Variants in FAM193A observed in about 807,000 individuals in gnomAD.
FAM193A encodes family with sequence similarity 193 member A.
In FAM193A, 22 loss-of-function variants were observed where a neutral mutation model predicts 126.5. The ratio of observed to expected loss-of-function variants is 0.17; its 90% CI spans 0.12 to 0.25. FAM193A has a LOEUF of 0.25. Among genes scored for constraint, FAM193A ranks in the 10% least tolerant of loss-of-function variants. The probability of loss-of-function intolerance (pLI) is 1.00; values close to 1 mark genes in which losing one functional copy is unlikely to be tolerated. For synonymous variants in FAM193A, 761 were observed against 646.8 expected, an observed-to-expected ratio of 1.18 and a Z score of -2.68; for missense variants, 1,675 against 1,672.8, an observed-to-expected ratio of 1.00 and a Z score of -0.02.
chr4:2,658,735 T>C (rs74615690), intron 8 of FAM193A, among the ~76,000 whole-genome samples: 1 of 151,386 alleles, frequency 6.6e-6, no homozygotes, highest in Non-Finnish European at 1.5e-5. Context: ...CCATTCTGCA[T>C]GTGTCCCTGT....
chr4:2,729,069 G>A (rs1300130867), intron 20 of FAM193A, among the ~76,000 whole-genome samples: 1 of 151,968 alleles, frequency 6.6e-6, no homozygotes, highest in East Asian at 1.9e-4. Flanking sequence ...ACCATCAGGT[G>A]ATGGTTAGGC....
Position 2,672,353 on chromosome 4 carries a change from C to A in FAM193A, c.2312C>A (p.Pro771His). 1.9e-6 allele frequency: 3 copies of A among 1,614,180 alleles called. No homozygotes were observed. Among genetic ancestry groups the A allele is most frequent in the Non-Finnish European group, 2.5e-6 (3 of 1,180,040 alleles). The stretch of plus-strand genomic sequence containing the variant: ...ATCCACCCCACCTTGTATGCAACGC[C>A]CCCCTTCACACACAGTAAGGTAAGT... ...PLIHPTLYAT[P>H]PFTHSKALPP... The change falls in exon 13 of 21, where the codon CCC becomes CAC. Residue 771 changes from proline to histidine, a missense_variant. Pro to His is a moderately conservative substitution (Grantham distance 77). Around this residue, in one of 4 missense-constraint regions of FAM193A, gnomAD observed 1,186 missense variants for 1,109.2 expected, o/e 1.07. Coordinates refer to ENST00000637812, the MANE Select transcript of FAM193A (RefSeq NM_001366318.2).
intron 7 of FAM193A, among the ~76,000 whole-genome samples, chr4:2,655,363 G>T (rs888695206): frequency 2.0e-5 from 3 of 152,140 alleles, no homozygotes; most frequent in Non-Finnish European, 4.4e-5. Context: ...AACCCTAGTA[G>T]ATCATGATAT....
chr4:2,710,171 T>TTC (rs1718768946), intron 19 of FAM193A, among the ~76,000 whole-genome samples: 1 of 126,152 alleles, frequency 7.9e-6, no homozygotes, highest in Non-Finnish European at 1.7e-5. Context: ...GTTTTTTTTT[T>TTC]TTTTTCTTTT....
intron 20 of FAM193A, chr4:2,720,195 T>C: frequency 6.5e-6 from 1 of 154,774 alleles, no homozygotes. Flanking sequence ...AAAAAAAGTA[T>C]TTTATATTCA....
rs773722072 is a variant in FAM193A, at chr4:2,699,753, G to A, written c.3581G>A (p.Arg1194Gln). Residue 1194 changes from arginine to glutamine, a missense_variant, in exon 19 of 21, where the codon CGG becomes CAG. This residue lies in a region of FAM193A where 415 missense variants were observed against 396.7 expected (regional missense o/e 1.05). Coordinates refer to ENST00000637812, the MANE Select transcript of FAM193A (RefSeq NM_001366318.2). ...EHLHLQEEQR[R>Q]REEEEDEEEE... ...CTGCACCTCCAGGAGGAGCAGAGGC[G>A]GCGGGAGGAGGAGGAGGATGAGGAA... The A allele has an allele frequency of 2.2e-5, 36 of 1,613,764 alleles. No homozygotes were observed. Among genetic ancestry groups the A allele is most frequent in the Non-Finnish European group, 3.0e-5 (35 of 1,179,928 alleles).
At chr4:2,621,011 G>C (rs1742515302) in intron 2 of FAM193A, among the ~76,000 whole-genome samples, 1 of 151,954 alleles carries the variant, frequency 6.6e-6, no homozygotes, top group African/African-American at 2.4e-5. Context: ...TGACATGGAG[G>C]GGGTGTCATT....
At chr4:2,695,286 C>A in intron 17 of FAM193A, 157 bp downstream of exon 17, 2 of 605,570 alleles carry the variant, frequency 3.3e-6, no homozygotes, top group Non-Finnish European at 2.6e-6. Context: ...AAAGATTTAG[C>A]CATAATGATT....
chr4:2,704,693 CA>C (rs1318426673), intron 19 of FAM193A, among the ~76,000 whole-genome samples: 1 of 152,234 alleles, frequency 6.6e-6, no homozygotes, highest in African/African-American at 2.4e-5. Flanking sequence ...TGTTTGGCCA[CA>C]GCCTTGCTTA....
At chr4:2,580,061 A>G in intron 1 of FAM193A, among the ~76,000 whole-genome samples, 1 of 152,238 alleles carries the variant, frequency 6.6e-6, no homozygotes, top group East Asian at 1.9e-4. Context: ...GATTGCATAA[A>G]GAAAACATGG....
At chr4:2,704,145 C>T (rs1013764657) in intron 19 of FAM193A, among the ~76,000 whole-genome samples, 1 of 151,996 alleles carries the variant, frequency 6.6e-6, no homozygotes, top group Non-Finnish European at 1.5e-5. Context: ...CGCCTATAAT[C>T]CCAGCTACTC....
At chr4:2,713,683 G>A (rs1396015403) in intron 19 of FAM193A, among the ~76,000 whole-genome samples, 3 of 152,094 alleles carry the variant, frequency 2.0e-5, no homozygotes, top group Non-Finnish European at 2.9e-5. Context: ...CAGAACACAC[G>A]GTATTCTTAG....
intron 6 of FAM193A, among the ~76,000 whole-genome samples, chr4:2,642,095 C>A (rs1744686839): frequency 6.8e-6 from 1 of 147,442 alleles, no homozygotes. Context: ...TCGAAACCAT[C>A]CTGGCTAACA....
At chr4:2,704,482 C>T (rs550924450) in intron 19 of FAM193A, among the ~76,000 whole-genome samples, 1 of 151,766 alleles carries the variant, frequency 6.6e-6, no homozygotes, top group Admixed American at 6.6e-5. Context: ...GGAGGATCAC[C>T]TGAGCCTGGG....
At chr4:2,627,060 A>G (rs1475924391) in intron 4 of FAM193A, among the ~76,000 whole-genome samples, 6 of 151,936 alleles carry the variant, frequency 3.9e-5, no homozygotes, top group Admixed American at 3.9e-4. Flanking sequence ...GCTGTTTCTC[A>G]TGATGCCGCA....
At chr4:2,729,513 C>G (rs957284934) in intron 20 of FAM193A, among the ~76,000 whole-genome samples, 4 of 152,180 alleles carry the variant, frequency 2.6e-5, no homozygotes, top group African/African-American at 9.7e-5. Context: ...TGTTTCTGCT[C>G]TAGAGCTTTG....
At chr4:2,543,091 TTTC>T (rs1737330154) in intron 1 of FAM193A, among the ~76,000 whole-genome samples, 1 of 130,728 alleles carries the variant, frequency 7.6e-6, no homozygotes, top group Non-Finnish European at 1.7e-5. Context: ...TCAGTTTTCT[TTTC>T]TTTTTTTTTT....
intron 12 of FAM193A, among the ~76,000 whole-genome samples, chr4:2,666,326 G>T (rs1473014080): frequency 1.3e-5 from 2 of 152,152 alleles, no homozygotes; most frequent in African/African-American, 2.4e-5. Flanking sequence ...TTGATTTAAG[G>T]ATATTAAATC....
rs1266089351 is a variant in FAM193A at position 2,590,842 on chromosome 4, A to G, written c.256-5242A>G. Among the ~76,000 whole-genome samples, 4 of 151,962 alleles carry G rather than the reference A, an allele frequency of 2.6e-5. No individual in the cohort carries two copies. The East Asian group carries it at 7.8e-4, about 30-fold the overall frequency. ...GGAGATCGAGACCATCCTGGCTAAC[A>G]TGGTGAAACCCCGTCTCTACTAAAA... On this transcript the variant is annotated intron_variant, in intron 1 of 20. Coordinates refer to ENST00000637812, the MANE Select transcript of FAM193A (RefSeq NM_001366318.2).
Sources: gnomAD v4.1 joint callset for allele counts (sites outside exome capture counted in the v4.1 genomes callset) on GRCh38, gnomAD v4.1.1 for gene constraint, gnomAD v4.1.1 regional missense constraint, MANE v1.5 for transcripts, NCBI Gene and HGNC (gene_info 2026-07-23, HGNC 2026-07-21) for gene names.